KCNB2: variants seen among roughly 807,000 people sequenced by gnomAD.
KCNB2 encodes potassium voltage-gated channel subfamily B member 2.
Under a neutral mutation model 61.5 loss-of-function variants are expected in KCNB2, and 15 were observed. The observed-to-expected ratio is 0.24, with a 90% confidence interval of 0.16 to 0.38. KCNB2 has a LOEUF of 0.38. KCNB2 is among the 10% of genes least tolerant of loss of function. The probability of loss-of-function intolerance (pLI) is 1.00; values close to 1 mark genes in which losing one functional copy is unlikely to be tolerated. For missense variants in KCNB2, 828 were observed against 1,125.2 expected (o/e 0.74, Z 3.78); for synonymous variants, 457 against 446.0 (o/e 1.02, Z -0.31).
intron 2 of KCNB2, among the ~76,000 whole-genome samples, chr8:72,656,776 A>G (rs1806298947): frequency 6.6e-6 from 1 of 152,174 alleles, no homozygotes; most frequent in Non-Finnish European, 1.5e-5. Flanking sequence ...TATAGAAACA[A>G]TAGCACATGC....
At chr8:72,813,899 C>T (rs1422190774) in intron 2 of KCNB2, among the ~76,000 whole-genome samples, 2 of 152,020 alleles carry the variant, frequency 1.3e-5, no homozygotes, top group African/African-American at 2.4e-5. Flanking sequence ...GGTACATGTG[C>T]ACAACGTGCA....
intron 2 of KCNB2, among the ~76,000 whole-genome samples, chr8:72,887,520 A>G (rs1740894732): frequency 6.6e-6 from 1 of 152,194 alleles, no homozygotes; most frequent in Non-Finnish European, 1.5e-5. Flanking sequence ...AGCCAGGAAC[A>G]GGAAGACAGG....
chr8:72,853,338 C>A (rs1049961413), intron 2 of KCNB2, among the ~76,000 whole-genome samples: 5 of 152,182 alleles, frequency 3.3e-5, no homozygotes, highest in African/African-American at 1.2e-4. Flanking sequence ...CAGGTGGGAC[C>A]AGCTATGTGG....
chr8:72,766,193 C>T, intron 2 of KCNB2, among the ~76,000 whole-genome samples: 1 of 152,144 alleles, frequency 6.6e-6, no homozygotes, highest in East Asian at 1.9e-4. Flanking sequence ...ACTTGAAGAG[C>T]TTTAAAGAAC....
At chr8:72,685,491 C>T (rs1211970328) in intron 2 of KCNB2, among the ~76,000 whole-genome samples, 1 of 152,052 alleles carries the variant, frequency 6.6e-6, no homozygotes, top group Non-Finnish European at 1.5e-5. Context: ...CAAGGAAAGA[C>T]AATGTACAGT....
At chr8:72,847,453 CTT>C (rs1218599250) in intron 2 of KCNB2, among the ~76,000 whole-genome samples, 2 of 152,198 alleles carry the variant, frequency 1.3e-5, no homozygotes, top group East Asian at 3.8e-4. Flanking sequence ...AAACAAGTCT[CTT>C]TACATCTTCC....
At chr8:72,568,635 A>G (rs1410316405) in intron 2 of KCNB2, among the ~76,000 whole-genome samples, 1 of 152,142 alleles carries the variant, frequency 6.6e-6, no homozygotes, top group African/African-American at 2.4e-5. Flanking sequence ...CCTAGCTCAG[A>G]CCCATCAGGC....
At chr8:72,548,653 GT>G (rs937000037) in intron 1 of KCNB2, among the ~76,000 whole-genome samples, 4 of 151,292 alleles carry the variant, frequency 2.6e-5, no homozygotes, top group African/African-American at 7.3e-5. Context: ...AAGTCATTGG[GT>G]TTTTTTTTCT....
In KCNB2 at chr8:72,700,884, G is replaced by C. The variant is rs552661333; in HGVS notation, c.579+132571G>C. 2.6e-5 allele frequency among the ~76,000 whole-genome samples: 4 copies of C among 152,198 alleles called. No individual in the cohort carries two copies. The East Asian group carries it at 7.7e-4, about 29-fold the overall frequency. On this transcript the variant is annotated intron_variant, in intron 2 of 2. Transcript: ENST00000523207. ...AGAACATGTGGTACATATACACCAT[G>C]GAAAACTACACAGCCATAAAAAAGA...
chr8:72,669,212 C>T (rs754545137), intron 2 of KCNB2, among the ~76,000 whole-genome samples: 3 of 152,144 alleles, frequency 2.0e-5, no homozygotes, highest in Non-Finnish European at 4.4e-5. Context: ...TGGCATAGCT[C>T]AAGATCCATT....
At chr8:72,654,236 G>T (rs1486714193) in intron 2 of KCNB2, among the ~76,000 whole-genome samples, 2 of 152,248 alleles carry the variant, frequency 1.3e-5, no homozygotes, top group East Asian at 3.9e-4. Context: ...CTTCCAAAGA[G>T]CGTAAACCTA....
chr8:72,737,332 A>T (rs1807864400), intron 2 of KCNB2, among the ~76,000 whole-genome samples: 1 of 152,216 alleles, frequency 6.6e-6, no homozygotes, highest in African/African-American at 2.4e-5. Context: ...TAAGCAATAA[A>T]TGCTTCTTTG....
chr8:72,570,375 G>T (rs1475300807), intron 2 of KCNB2, among the ~76,000 whole-genome samples: 1 of 152,070 alleles, frequency 6.6e-6, no homozygotes, highest in Non-Finnish European at 1.5e-5. Context: ...CAGGATTTAT[G>T]TTTATTTATA....
chr8:72,845,675 A>C (rs1349824843), intron 2 of KCNB2, among the ~76,000 whole-genome samples: 1 of 152,200 alleles, frequency 6.6e-6, no homozygotes, highest in East Asian at 1.9e-4. Context: ...TGGCTATAGC[A>C]GCTTTGCCGA....
At chr8:72,818,002 A>G (rs1435248503) in intron 2 of KCNB2, among the ~76,000 whole-genome samples, 2 of 152,196 alleles carry the variant, frequency 1.3e-5, no homozygotes, top group Non-Finnish European at 2.9e-5. Flanking sequence ...TTAGCTAACA[A>G]TACTGTCATT....
At chr8:72,568,553 C>A (rs1015492867) in intron 2 of KCNB2, among the ~76,000 whole-genome samples, 3 of 152,104 alleles carry the variant, frequency 2.0e-5, no homozygotes, top group African/African-American at 7.2e-5. Flanking sequence ...GCCTGGGCAA[C>A]AGAGGATGAA....
intron 2 of KCNB2, among the ~76,000 whole-genome samples, chr8:72,770,762 C>G (rs1465960378): frequency 6.6e-6 from 1 of 152,170 alleles, no homozygotes; most frequent in African/African-American, 2.4e-5. Context: ...ATTATTATTA[C>G]TAGGACAAAG....
chr8:72,562,192 G>A (rs1563523811), intron 1 of KCNB2, among the ~76,000 whole-genome samples: 2 of 152,026 alleles, frequency 1.3e-5, no homozygotes, highest in Non-Finnish European at 2.9e-5. Flanking sequence ...TCACAGGATC[G>A]CACATGTGAC....
chr8:72,868,065 T>A (rs1272372194), intron 2 of KCNB2, among the ~76,000 whole-genome samples: 8 of 149,046 alleles, frequency 5.4e-5, no homozygotes, highest in South Asian at 2.1e-4. Flanking sequence ...GGTTTTTTTT[T>A]TTATTATTTA....
Sources: allele counts gnomAD v4.1 joint callset (sites outside exome capture counted in the v4.1 genomes callset), GRCh38; gene constraint gnomAD v4.1.1; transcripts MANE v1.5; gene names NCBI Gene and HGNC (gene_info 2026-07-23, HGNC 2026-07-21).